Variants in COBLL1 observed in about 807,000 individuals in gnomAD.
COBLL1 encodes cordon-bleu WH2 repeat protein like 1.
In COBLL1, 50 loss-of-function variants were observed where a neutral mutation model predicts 94.8. The observed-to-expected ratio is 0.53, with a 90% CI of 0.42 to 0.67. COBLL1 has a LOEUF of 0.67. COBLL1 is among the 30% of genes least tolerant of loss of function. COBLL1 has a pLI of 0.00. For synonymous variants in COBLL1, 448 were observed against 473.8 expected (o/e 0.95, Z 0.71); for missense variants, 1,362 against 1,348.7 (o/e 1.01, Z -0.15).
chr2:164,676,031 A>G (rs535322977), downstream of COBLL1, among the ~76,000 whole-genome samples: 47 of 152,348 alleles, frequency 3.1e-4, 1 homozygote, highest in Middle Eastern at 0.01. Flanking sequence ...GTATAAATAG[A>G]GTACAGGGAT....
At chr2:164,704,649 A>G in intron 8 of COBLL1, 131 bp from the exon 9 acceptor site, 1 of 739,374 alleles carries the variant, frequency 1.4e-6, no homozygotes, top group Non-Finnish European at 2.2e-6. Context: ...TCTAGCTGTA[A>G]AACACTAAAA....
rs1027534809 is a variant in COBLL1, at chr2:164,729,781, A to C, written c.432+133T>G. ...GGGATCAATAGCCAACTGAATCCTA[A>C]ACAAAGTGCCTAGAAAAACATAATA... On this transcript the variant is annotated intron_variant, in intron 4 of 13. Coordinates refer to ENST00000652658, the MANE Select transcript of COBLL1 (RefSeq NM_001365672.2). The C allele has an allele frequency of 5.2e-6, 4 of 770,322 alleles. No homozygotes were observed. The Admixed American group carries it at 7.7e-5, about 15-fold the overall frequency. The allele number at this position is 770,322 out of a possible 1,614,324, so 47.7% of individuals were successfully genotyped here.
At chr2:164,802,250 C>T (rs1683846667) in intron 2 of COBLL1, among the ~76,000 whole-genome samples, 1 of 152,124 alleles carries the variant, frequency 6.6e-6, no homozygotes, top group East Asian at 1.9e-4. Flanking sequence ...ACTTTGTAAA[C>T]CTCACAACAT....
At chr2:164,797,174 T>A (rs1388325004) in intron 2 of COBLL1, among the ~76,000 whole-genome samples, 1 of 152,206 alleles carries the variant, frequency 6.6e-6, no homozygotes, top group Non-Finnish European at 1.5e-5. Context: ...AGAATGCGAA[T>A]GTAACTCAAA....
At chr2:164,766,690 G>T (rs956406175) in intron 2 of COBLL1, among the ~76,000 whole-genome samples, 4 of 152,128 alleles carry the variant, frequency 2.6e-5, no homozygotes, top group Non-Finnish European at 5.9e-5. Flanking sequence ...AACTAATACA[G>T]TATGTCATTC....
intron 7 of COBLL1, among the ~76,000 whole-genome samples, chr2:164,705,893 G>A (rs1306712117): frequency 1.3e-5 from 2 of 152,114 alleles, no homozygotes; most frequent in Non-Finnish European, 2.9e-5. Context: ...AATTAGCCAG[G>A]CGTGGTGGCA....
At chr2:164,770,001 A>G in intron 2 of COBLL1, among the ~76,000 whole-genome samples, 1 of 152,208 alleles carries the variant, frequency 6.6e-6, no homozygotes, top group Non-Finnish European at 1.5e-5. Context: ...AAAAACATAA[A>G]TAATGGAATT....
At chr2:164,744,420 G>C (rs1686755110) in intron 2 of COBLL1, among the ~76,000 whole-genome samples, 1 of 152,000 alleles carries the variant, frequency 6.6e-6, no homozygotes, top group Non-Finnish European at 1.5e-5. Context: ...TTCCTTCTTT[G>C]AATTGATATA....
At chr2:164,832,676 C>G (rs1488158543) in intron 2 of COBLL1, among the ~76,000 whole-genome samples, 1 of 152,144 alleles carries the variant, frequency 6.6e-6, no homozygotes, top group Non-Finnish European at 1.5e-5. Flanking sequence ...AAACCTCTGT[C>G]CTATTAAACC....
intron 2 of COBLL1, among the ~76,000 whole-genome samples, chr2:164,757,776 C>T (rs927321209): frequency 6.6e-5 from 10 of 151,870 alleles, no homozygotes; most frequent in Non-Finnish European, 1.5e-4. Context: ...CATGCCACTG[C>T]ACTCCAGCCT....
chr2:164,792,560 ATTATGTAACC>A (rs1683245987), intron 2 of COBLL1, among the ~76,000 whole-genome samples: 1 of 152,180 alleles, frequency 6.6e-6, no homozygotes, highest in South Asian at 2.1e-4. Flanking sequence ...TCCATTATTC[ATTATGTAACC>A]TTAAGTAAAT....
In COBLL1 at chr2:164,682,898, G is replaced by C. The variant is rs894952056; in HGVS notation, c.*3048C>G. ...TAGAATGGCTAACAGAAATACGATCGATCTGTATGTGTAAAAAGAAAAGCT... is the reference window on the plus strand; with the variant it reads ...TAGAATGGCTAACAGAAATACGATCCATCTGTATGTGTAAAAAGAAAAGCT... On this transcript the variant is annotated 3_prime_UTR_variant, in exon 14 of 14. Coordinates refer to ENST00000652658, the MANE Select transcript of COBLL1 (RefSeq NM_001365672.2). 6.6e-6 allele frequency: 1 copy of C among 151,758 alleles called. No individual in the cohort carries two copies. The highest frequency in any genetic ancestry group is 6.6e-5 in the Admixed American group (1 of 15,188). The allele number at this position is 151,758 out of a possible 1,614,324, so 9.4% of individuals were successfully genotyped here.
chr2:164,828,475 A>G (rs1684695328), intron 2 of COBLL1, among the ~76,000 whole-genome samples: 1 of 152,202 alleles, frequency 6.6e-6, no homozygotes, highest in African/African-American at 2.4e-5. Context: ...AAGATATAAT[A>G]CATAGCTAGA....
chr2:164,714,562 A>C (rs150610369), intron 7 of COBLL1, among the ~76,000 whole-genome samples: 1 of 152,240 alleles, frequency 6.6e-6, no homozygotes, highest in Non-Finnish European at 1.5e-5. Flanking sequence ...TACCAGAGTG[A>C]AGCTACAGTC....
intron 2 of COBLL1, among the ~76,000 whole-genome samples, chr2:164,840,152 G>A (rs1683516680): frequency 1.3e-5 from 2 of 152,180 alleles, no homozygotes; most frequent in Admixed American, 6.5e-5. Context: ...CAGGAAAACT[G>A]TACAAGTCTC....
At chr2:164,821,724 G>A (rs1237747788) in intron 2 of COBLL1, among the ~76,000 whole-genome samples, 1 of 152,150 alleles carries the variant, frequency 6.6e-6, no homozygotes, top group East Asian at 1.9e-4. Context: ...CACATTGTGT[G>A]CTCACTATCT....
intron 2 of COBLL1, among the ~76,000 whole-genome samples, chr2:164,822,950 G>T (rs1362961341): frequency 1.3e-5 from 2 of 151,816 alleles, no homozygotes; most frequent in Admixed American, 1.3e-4. Flanking sequence ...TGTATATTTA[G>T]GAGAGACGGA....
chr2:164,731,134 T>A (rs1685988791), intron 3 of COBLL1, among the ~76,000 whole-genome samples: 1 of 152,216 alleles, frequency 6.6e-6, no homozygotes, highest in African/African-American at 2.4e-5. Context: ...GCTGCTTTTG[T>A]GTTAGTTACA....
At chr2:164,782,206 A>C (rs1223662612) in intron 2 of COBLL1, among the ~76,000 whole-genome samples, 3 of 152,186 alleles carry the variant, frequency 2.0e-5, no homozygotes, top group Admixed American at 2.0e-4. Flanking sequence ...GTATTATGAA[A>C]GTTTAAGAAA....
Sources: gnomAD v4.1 joint callset for allele counts (sites outside exome capture counted in the v4.1 genomes callset) on GRCh38, gnomAD v4.1.1 for gene constraint, MANE v1.5 for transcripts, NCBI Gene and HGNC (gene_info 2026-07-23, HGNC 2026-07-21) for gene names.